TPRG1: variants seen among roughly 807,000 people sequenced by gnomAD.
TPRG1 encodes tumor protein p63-regulated gene 1 protein.
Under a neutral mutation model 29.3 loss-of-function variants are expected in TPRG1, and 29 were observed. The ratio of observed to expected loss-of-function variants is 0.99; its 90% CI spans 0.74 to 1.35. TPRG1 has a LOEUF of 1.35. TPRG1 is among the 40% of genes most tolerant of loss of function. TPRG1 has a pLI of 0.00. For missense variants in TPRG1, 327 were observed against 335.0 expected, an observed-to-expected ratio of 0.98 and a Z score of 0.19; for synonymous variants, 130 against 116.8, an observed-to-expected ratio of 1.11 and a Z score of -0.73.
At chr3:189,154,801 A>G (rs1031899406) in intron 5 of TPRG1, among the ~76,000 whole-genome samples, 1 of 152,300 alleles carries the variant, frequency 6.6e-6, no homozygotes, top group East Asian at 1.9e-4. Context: ...ACAAAAAATA[A>G]TAGGTAAATA....
intron 3 of TPRG1, among the ~76,000 whole-genome samples, chr3:189,021,099 T>C (rs1448514741): frequency 1.4e-5 from 2 of 146,410 alleles, no homozygotes; most frequent in African/African-American, 5.0e-5. Context: ...TCTTCCTCCA[T>C]CCTTTTATTT....
chr3:189,021,589 G>A (rs1192614875), intron 3 of TPRG1, among the ~76,000 whole-genome samples: 5 of 152,176 alleles, frequency 3.3e-5, no homozygotes, highest in Admixed American at 6.5e-5. Flanking sequence ...TAGGGTTTCT[G>A]CCGAGAGATC....
At chr3:189,188,681 C>G (rs77321937) in intron 1 of TPRG1, among the ~76,000 whole-genome samples, 2,442 of 152,272 alleles carry the variant, frequency 0.016, 70 homozygotes, top group African/African-American at 0.056. Context: ...TCCTCCCTCC[C>G]TCTTCCCTCA....
chr3:189,115,207 A>AT (rs1721026798), intron 1 of TPRG1, among the ~76,000 whole-genome samples: 1 of 152,216 alleles, frequency 6.6e-6, no homozygotes, highest in Non-Finnish European at 1.5e-5. Context: ...AGCTTTTTAA[A>AT]TTTTTGTCAG....
At chr3:189,180,408 C>T (rs1179357113) in intron 1 of TPRG1, among the ~76,000 whole-genome samples, 1 of 152,182 alleles carries the variant, frequency 6.6e-6, no homozygotes, top group Non-Finnish European at 1.5e-5. Context: ...CCTGTAAAAT[C>T]ACAAGCAGGT....
At chr3:189,223,531 G>T (rs1251339677) in intron 3 of TPRG1, among the ~76,000 whole-genome samples, 1 of 152,216 alleles carries the variant, frequency 6.6e-6, no homozygotes, top group East Asian at 1.9e-4. Flanking sequence ...TGAGTGACCT[G>T]CATTATAAGA....
chr3:189,064,083 G>T (rs1195937434), intron 4 of TPRG1, among the ~76,000 whole-genome samples: 1 of 152,104 alleles, frequency 6.6e-6, no homozygotes, highest in Non-Finnish European at 1.5e-5. Context: ...TGCATGTAAA[G>T]TTTTGTCTAT....
rs1276563648 is a variant in TPRG1 at position 189,022,264 on chromosome 3, G to A, written c.-659-1486G>A. Reference sequence around the variant, plus strand: ...GTCATTCTCCTTCCAGCTTTGTTCCGTTGCTGGTGAGGAACTGCGTTCCTT... The same window carrying A: ...GTCATTCTCCTTCCAGCTTTGTTCCATTGCTGGTGAGGAACTGCGTTCCTT... On this transcript the variant is annotated intron_variant, in intron 3 of 10. Transcript: ENST00000433971. 4.6e-5 allele frequency among the ~76,000 whole-genome samples: 7 copies of A among 151,256 alleles called. No homozygotes were observed. The East Asian group carries it at 5.8e-4, about 13-fold the overall frequency.
At position 189,230,410 on chromosome 3, in the gene TPRG1, C is replaced by T. The variant is rs151161320; in HGVS notation, c.303-8323C>T. Among the ~76,000 whole-genome samples the T allele has an allele frequency of 1.8e-3, 273 of 151,976 alleles. 1 individual carries two copies. Among genetic ancestry groups the T allele is most frequent in the African/African-American group, 6.4e-3 (264 of 41,436 alleles). On this transcript the variant is annotated intron_variant, in intron 3 of 5. Coordinates refer to ENST00000345063, the MANE Select transcript of TPRG1 (RefSeq NM_198485.4). ...GTAAAGTGGGGGATCATAACCATTT[C>T]ACATGAAAAATAGTCATAAATTGCA... is the stretch of plus-strand genomic sequence containing the variant.
chr3:188,998,454 G>C (rs970270449), intron 1 of TPRG1, among the ~76,000 whole-genome samples: 1 of 152,198 alleles, frequency 6.6e-6, no homozygotes. Flanking sequence ...ATGTTAGAAA[G>C]GCAGAAAGGA....
At position 189,139,808 on chromosome 3, in the gene TPRG1, G is replaced by A. The variant is rs1724295780; in HGVS notation, c.-291+7111G>A. On this transcript the variant is annotated intron_variant, in intron 3 of 6. Transcript: ENST00000412373. ...TTGCAATCAAGCTTCTGTTAACATG[G>A]AAATGTACCGGCTGGTCTGCTGCAA... is the stretch of plus-strand genomic sequence containing the variant. Among the ~76,000 whole-genome samples the A allele has an allele frequency of 6.6e-5, 10 of 152,046 alleles. No homozygotes were observed. In the South Asian group the frequency reaches 2.1e-3, roughly 32 times the overall value.
intron 4 of TPRG1, among the ~76,000 whole-genome samples, chr3:189,071,609 T>G (rs574069343): frequency 5.3e-5 from 8 of 152,322 alleles, no homozygotes; most frequent in African/African-American, 1.9e-4. Context: ...CAGTGGTATA[T>G]GTGTGTGCAT....
At chr3:189,021,711 T>C (rs1361006358) in intron 3 of TPRG1, among the ~76,000 whole-genome samples, 2 of 152,164 alleles carry the variant, frequency 1.3e-5, no homozygotes, top group African/African-American at 4.8e-5. Flanking sequence ...TTATGTGTCT[T>C]GGAGTTGCTC....
chr3:189,127,771 A>C (rs1722656520), intron 2 of TPRG1, among the ~76,000 whole-genome samples: 1 of 152,250 alleles, frequency 6.6e-6, no homozygotes, highest in African/African-American at 2.4e-5. Context: ...TCCAGATGTT[A>C]TGGAAGAGAA....
intron 4 of TPRG1, among the ~76,000 whole-genome samples, chr3:189,067,435 G>A (rs944249615): frequency 6.6e-6 from 1 of 152,142 alleles, no homozygotes; most frequent in East Asian, 1.9e-4. Context: ...CAGAGCTATA[G>A]TAACCAAAAC....
At chr3:189,140,973 A>G (rs1042244472) in intron 3 of TPRG1, among the ~76,000 whole-genome samples, 3 of 152,154 alleles carry the variant, frequency 2.0e-5, no homozygotes, top group African/African-American at 7.2e-5. Flanking sequence ...ATGAGTAAGG[A>G]TTTGCCTGAT....
At chr3:189,199,709 C>T (rs765449347) in intron 1 of TPRG1, among the ~76,000 whole-genome samples, 2 of 152,008 alleles carry the variant, frequency 1.3e-5, no homozygotes, top group Admixed American at 6.6e-5. Context: ...GGTTTGGTGG[C>T]GGACACCTGT....
chr3:189,050,788 C>T (rs1361125137), intron 4 of TPRG1, among the ~76,000 whole-genome samples: 1 of 152,114 alleles, frequency 6.6e-6, no homozygotes, highest in Non-Finnish European at 1.5e-5. Context: ...GTACACAAGT[C>T]AATAAATGTG....
At chr3:189,202,892 A>G (rs1256662729) in intron 1 of TPRG1, among the ~76,000 whole-genome samples, 2 of 152,190 alleles carry the variant, frequency 1.3e-5, no homozygotes, top group Non-Finnish European at 2.9e-5. Flanking sequence ...CCAGTTTGCC[A>G]GTGCATGAGT....
Sources: allele counts gnomAD v4.1 joint callset (sites outside exome capture counted in the v4.1 genomes callset), GRCh38; gene constraint gnomAD v4.1.1; transcripts MANE v1.5; gene names NCBI Gene and HGNC (gene_info 2026-07-23, HGNC 2026-07-21).